The following UGT8 variants were observed in gnomAD, a reference collection of about 807,000 sequenced individuals.
The protein encoded by UGT8 is UDP glycosyltransferase 8.
UGT8 carries 12 observed loss-of-function variants against 40.5 expected under a neutral mutation model. The observed-to-expected ratio is 0.30, with a 90% confidence interval of 0.19 to 0.48. The LOEUF is 0.48. UGT8 is among the 20% of genes least tolerant of loss of function. UGT8 has a pLI of 0.99. For synonymous variants in UGT8, 224 were observed against 240.4 expected (o/e 0.93, Z 0.63); for missense variants, 513 against 648.7 (o/e 0.79, Z 2.27).
At chr4:114,640,502 G>A (rs1733156161) in intron 2 of UGT8, among the ~76,000 whole-genome samples, 1 of 152,028 alleles carries the variant, frequency 6.6e-6, no homozygotes, top group South Asian at 2.1e-4. Context: ...ATACCCTAAG[G>A]TAGCTGGATT....
At chr4:114,662,936 C>T (rs1734638394) in intron 2 of UGT8, among the ~76,000 whole-genome samples, 1 of 150,710 alleles carries the variant, frequency 6.6e-6, no homozygotes, top group Non-Finnish European at 1.5e-5. Flanking sequence ...CCTGCCTCAG[C>T]CTCTCGAGTA....
Position 114,623,358 on chromosome 4 carries a change from A to G in UGT8, c.478A>G (p.Thr160Ala). 1 of 1,614,156 alleles carries G rather than the reference A, an allele frequency of 6.2e-7. No individual in the cohort carries two copies. The highest frequency in any genetic ancestry group is 1.7e-5 in the Admixed American group (1 of 60,020). ...LLGVKYAVFS[T>A]GLWYPAEVGA... ...AGGGGTTAAATATGCTGTATTTTCA[A>G]CTGGCCTTTGGTATCCTGCTGAAGT... Residue 160 changes from threonine (T) to alanine (A), a missense_variant, in exon 2 of 6, where the codon ACT (threonine) becomes GCT (alanine). Physicochemically the swap from Thr to Ala is moderately conservative, Grantham distance 58. This residue lies in a region of UGT8 where 335 missense variants were observed against 444.8 expected (regional missense o/e 0.75). Transcript: ENST00000310836.
intron 2 of UGT8, among the ~76,000 whole-genome samples, chr4:114,646,855 T>C (rs916776549): frequency 6.6e-6 from 1 of 152,232 alleles, no homozygotes; most frequent in African/African-American, 2.4e-5. Context: ...GTTGGAGTCA[T>C]AGTCCTGCAG....
intron 1 of UGT8, among the ~76,000 whole-genome samples, chr4:114,621,123 A>T (rs1731759678): frequency 6.6e-6 from 1 of 152,194 alleles, no homozygotes; most frequent in Non-Finnish European, 1.5e-5. Context: ...AAACAATAAA[A>T]GACAACTTTA....
intron 5 of UGT8, among the ~76,000 whole-genome samples, chr4:114,674,268 T>C (rs1222489242): frequency 6.6e-6 from 1 of 152,168 alleles, no homozygotes; most frequent in Non-Finnish European, 1.5e-5. Context: ...ATGTCCCGTG[T>C]TCTGTGTTAC....
Position 114,668,378 on chromosome 4 carries a change from A to G in UGT8, c.1262+74A>G, listed in dbSNP as rs952445223. ...TATTGTCAGTAGCCAATTATTTTCA[A>G]TAGATTGTCAATAAATTATCAAATT... On this transcript the variant is annotated intron_variant, in intron 5 of 5. Transcript: ENST00000310836. 1.5e-4 allele frequency: 181 copies of G among 1,184,842 alleles called. 1 individual carries two copies. The African/African-American group carries it at 2.5e-3, about 16-fold the overall frequency. The allele number at this position is 1,184,842 out of a possible 1,614,324, so 73.4% of individuals were successfully genotyped here.
chr4:114,608,256 C>G (rs1454134821), intron 1 of UGT8, among the ~76,000 whole-genome samples: 7 of 152,126 alleles, frequency 4.6e-5, no homozygotes, highest in Non-Finnish European at 7.4e-5. Context: ...TTTTCTGTGA[C>G]TTTGATTTGT....
At chr4:114,617,901 G>A (rs956297138) in intron 1 of UGT8, among the ~76,000 whole-genome samples, 8 of 152,290 alleles carry the variant, frequency 5.3e-5, no homozygotes, top group Admixed American at 3.9e-4. Flanking sequence ...CCAGCTGAAA[G>A]CTGTAGAATT....
intron 1 of UGT8, among the ~76,000 whole-genome samples, chr4:114,616,558 G>A (rs1039311649): frequency 4.6e-5 from 7 of 152,010 alleles, no homozygotes; most frequent in African/African-American, 1.2e-4. Context: ...CAGGTGAGGC[G>A]ATGCCTCACC....
intron 5 of UGT8, among the ~76,000 whole-genome samples, chr4:114,674,689 C>T (rs1735509918): frequency 6.6e-6 from 1 of 152,214 alleles, no homozygotes; most frequent in African/African-American, 2.4e-5. Context: ...TATTCTCAGT[C>T]TCCCACTTTT....
rs149001721 is a variant in UGT8, at chr4:114,676,665, TTGTG to T, written c.*393_*396del. 1.4e-4 allele frequency: 21 copies of T among 150,664 alleles called. No homozygotes were observed. The highest frequency in any genetic ancestry group is 2.5e-4 in the African/African-American group (9 of 35,830). The allele number at this position is 150,664 out of a possible 1,614,324, so 9.3% of individuals were successfully genotyped here. ...TATGTGTGTGTGTGTGTGTGTGTGTTTGTGTGTGTGTGTGTGTGTCCTAATTAAG... is the reference window on the plus strand; with the variant it reads ...TATGTGTGTGTGTGTGTGTGTGTGTTTGTGTGTGTGTGTGTCCTAATTAAG... On this transcript the variant is annotated 3_prime_UTR_variant, in exon 6 of 6. Transcript: ENST00000310836.
chr4:114,614,893 G>A (rs924966152), intron 1 of UGT8, among the ~76,000 whole-genome samples: 1 of 148,612 alleles, frequency 6.7e-6, no homozygotes, highest in Non-Finnish European at 1.5e-5. Context: ...ACAACAGGTG[G>A]CCTCAATTTT....
chr4:114,647,530 A>AT, intron 2 of UGT8, among the ~76,000 whole-genome samples: 1 of 151,644 alleles, frequency 6.6e-6, no homozygotes, highest in Non-Finnish European at 1.5e-5. Flanking sequence ...TGCCCAGCTA[A>AT]TTTTTTTGTA....
At chr4:114,599,671 G>A (rs1730322478) in intron 1 of UGT8, among the ~76,000 whole-genome samples, 1 of 152,202 alleles carries the variant, frequency 6.6e-6, no homozygotes, top group Non-Finnish European at 1.5e-5. Flanking sequence ...AGAGAAGCCT[G>A]TGCGGGCCCC....
chr4:114,624,891 G>A lies in UGT8; in HGVS notation c.822+1189G>A, dbSNP rs367618434. Among the ~76,000 whole-genome samples, 11 of 152,226 alleles carry A rather than the reference G, an allele frequency of 7.2e-5. No individual in the cohort carries two copies. In the South Asian group the frequency reaches 1.2e-3, roughly 17 times the overall value. Reference sequence around the variant, plus strand: ...TGAGGGCACACTTGTTCTCTCTGACGTCAACTGTAAAGGATAGGGATTAAT... The same window carrying A: ...TGAGGGCACACTTGTTCTCTCTGACATCAACTGTAAAGGATAGGGATTAAT... On this transcript the variant is annotated intron_variant, in intron 2 of 5. Transcript: ENST00000310836.
chr4:114,667,710 C>A, intron 4 of UGT8: 1 of 223,900 alleles, frequency 4.5e-6, no homozygotes, highest in Non-Finnish European at 7.5e-6. Context: ...TATTGATAAA[C>A]ATTTGAGTAG....
chr4:114,671,271 A>G (rs1340826505), intron 5 of UGT8, among the ~76,000 whole-genome samples: 2 of 152,224 alleles, frequency 1.3e-5, no homozygotes, highest in Admixed American at 1.3e-4. Flanking sequence ...CCATCAAACT[A>G]CCATTTACAT....
intron 1 of UGT8, among the ~76,000 whole-genome samples, chr4:114,618,528 A>G (rs1001618495): frequency 2.6e-5 from 4 of 152,128 alleles, no homozygotes; most frequent in Non-Finnish European, 5.9e-5. Flanking sequence ...TCTTCACTCA[A>G]ATTTCCAGTG....
At chr4:114,641,035 A>C (rs560503573) in intron 2 of UGT8, among the ~76,000 whole-genome samples, 1 of 152,330 alleles carries the variant, frequency 6.6e-6, no homozygotes, top group Non-Finnish European at 1.5e-5. Context: ...TCTGTGGAGA[A>C]GTTCTACTAA....
Sources: allele counts gnomAD v4.1 joint callset (sites outside exome capture counted in the v4.1 genomes callset), GRCh38; gene constraint gnomAD v4.1.1; regional missense constraint gnomAD v4.1.1; transcripts MANE v1.5; gene names NCBI Gene and HGNC (gene_info 2026-07-23, HGNC 2026-07-21).